The following CDC123 variants were observed in gnomAD, a reference collection of about 807,000 sequenced individuals.
CDC123 encodes cell division cycle 123, also known as translation initiation factor eIF2 assembly protein.
Under a neutral mutation model 54.4 loss-of-function variants are expected in CDC123, and 37 were observed. The observed-to-expected ratio is 0.68, with a 90% CI of 0.52 to 0.89. The LOEUF (loss-of-function observed/expected upper bound fraction) is 0.89, where lower values mean the gene tolerates loss of function less well. Ranked by LOEUF, CDC123 falls within the 40% of genes least tolerant of loss-of-function variation. The pLI, the probability that CDC123 is intolerant of heterozygous loss-of-function variation, is 0.00. For synonymous variants in CDC123, 144 were observed against 136.8 expected (o/e 1.05, Z -0.37); for missense variants, 361 against 412.1 (o/e 0.88, Z 1.07).
chr10:12,238,452 T>G lies in CDC123; in HGVS notation c.689-5T>G, dbSNP rs763790124. 6.9e-6 allele frequency: 11 copies of G among 1,604,236 alleles called. No homozygotes were observed. In the Admixed American group the frequency reaches 1.9e-4, roughly 28 times the overall value. ...TTAATAACTGACTTTTTTTCTCCTT[T>G]ACAGTTGTGTTCGATATATACAGAG... is the stretch of plus-strand genomic sequence containing the variant. On this transcript the variant is annotated splice_region_variant and splice_polypyrimidine_tract_variant and intron_variant, in intron 9 of 12. Transcript: ENST00000281141.
intron 1 of CDC123, among the ~76,000 whole-genome samples, chr10:12,197,775 G>A (rs999666889): frequency 3.3e-5 from 5 of 152,044 alleles, no homozygotes; most frequent in Admixed American, 3.3e-4. Context: ...GGAGTGCAGT[G>A]GCAGTGATCT....
intron 10 of CDC123, among the ~76,000 whole-genome samples, chr10:12,239,163 ATT>A (rs879369328): frequency 6.8e-6 from 1 of 146,192 alleles, no homozygotes. Flanking sequence ...CCCTCCTCAA[ATT>A]TTTTTTTTTT....
intron 5 of CDC123, among the ~76,000 whole-genome samples, chr10:12,216,520 G>C (rs1835667544): frequency 6.6e-6 from 1 of 151,800 alleles, no homozygotes; most frequent in Non-Finnish European, 1.5e-5. Flanking sequence ...TACATGTACA[G>C]AATTTAAAAT....
At chr10:12,201,494 GA>G (rs1835438584) in intron 2 of CDC123, among the ~76,000 whole-genome samples, 1 of 152,116 alleles carries the variant, frequency 6.6e-6, no homozygotes, top group East Asian at 1.9e-4. Flanking sequence ...GTGAAGGGAA[GA>G]ATCTTCCAGG....
Position 12,196,235 on chromosome 10 carries a change from G to GC in CDC123, c.-10dup, listed in dbSNP as rs760058625. ...AGGAGAGGGAAAGGCAGCAGCGGCG[G>GC]CAGCTGGAGGATGAAGAAGGAGCAT... On this transcript the variant is annotated 5_prime_UTR_variant, in exon 1 of 13. Coordinates refer to ENST00000281141, the MANE Select transcript of CDC123 (RefSeq NM_006023.3). 46 of 1,613,902 alleles carry GC rather than the reference G, an allele frequency of 2.9e-5. No individual in the cohort carries two copies. In the East Asian group the frequency reaches 5.8e-4, roughly 20 times the overall value.
intron 7 of CDC123, among the ~76,000 whole-genome samples, chr10:12,234,181 G>A (rs761150038): frequency 2.0e-5 from 3 of 152,082 alleles, no homozygotes; most frequent in African/African-American, 7.2e-5. Context: ...TGCAACCTCC[G>A]CTTCCTGGGT....
At chr10:12,231,302 A>G (rs1225325720) in intron 7 of CDC123, among the ~76,000 whole-genome samples, 1 of 152,074 alleles carries the variant, frequency 6.6e-6, no homozygotes, top group African/African-American at 2.4e-5. Flanking sequence ...CCATTTTTAT[A>G]TTGTTCACTC....
In CDC123 at chr10:12,230,933, C is replaced by T; in HGVS notation, c.441-15C>T. 1 of 1,611,030 alleles carries T rather than the reference C, an allele frequency of 6.2e-7. No individual in the cohort carries two copies. The highest frequency in any genetic ancestry group is 8.5e-7 in the Non-Finnish European group (1 of 1,178,824). On this transcript the variant is annotated splice_polypyrimidine_tract_variant and intron_variant, in intron 6 of 12. Coordinates refer to ENST00000281141, the MANE Select transcript of CDC123 (RefSeq NM_006023.3). ...TAACAAAAAGATTCAGTTGCCTTTT[C>T]TTCTTCTTCCAAAGGTTTATTCATT...
intron 2 of CDC123, among the ~76,000 whole-genome samples, chr10:12,208,451 G>A (rs193116644): frequency 6.6e-6 from 1 of 152,294 alleles, no homozygotes; most frequent in African/African-American, 2.4e-5. Flanking sequence ...ATGACAGTTG[G>A]AGGCAGAGAA....
chr10:12,247,486 C>T (rs1176400655), intron 11 of CDC123: 1 of 39,410 alleles, frequency 2.5e-5, no homozygotes, highest in African/African-American at 6.9e-5. Context: ...CTCACCTCCC[C>T]CTCAGGACAC....
chr10:12,244,313 A>T (rs1200272661), intron 10 of CDC123, among the ~76,000 whole-genome samples: 1 of 152,262 alleles, frequency 6.6e-6, no homozygotes, highest in South Asian at 2.1e-4. Context: ...TATTAACCAG[A>T]TGGCACAAAT....
At chr10:12,200,134 T>TTTTTTTTTTTTTTG in intron 2 of CDC123, among the ~76,000 whole-genome samples, 1 of 119,580 alleles carries the variant, frequency 8.4e-6, no homozygotes, top group Non-Finnish European at 1.7e-5. Context: ...TTTTTTTTTT[T>TTTTTTTTTTTTTTG]TTTTTTTTTA....
chr10:12,237,104 A>G, intron 8 of CDC123, 40 bp from the exon 9 acceptor site: 1 of 1,491,808 alleles, frequency 6.7e-7, no homozygotes, highest in South Asian at 1.4e-5. Context: ...TTTGAAAAGA[A>G]TATTGTATAA....
intron 9 of CDC123, 64 bp from the exon 10 acceptor site, chr10:12,238,393 C>G: frequency 1.3e-6 from 2 of 1,548,450 alleles, no homozygotes; most frequent in Non-Finnish European, 1.8e-6. Flanking sequence ...CTTTAATTTT[C>G]AAAAGGAGAT....
intron 6 of CDC123, 73 bp from the exon 7 acceptor site, chr10:12,230,875 T>C: frequency 7.3e-7 from 1 of 1,362,854 alleles, no homozygotes; most frequent in East Asian, 2.3e-5. Context: ...TCATGTTAAA[T>C]ATATGTTAAG....
intron 2 of CDC123, among the ~76,000 whole-genome samples, chr10:12,202,544 G>A (rs1003683101): frequency 6.6e-5 from 10 of 152,110 alleles, no homozygotes; most frequent in African/African-American, 2.2e-4. Flanking sequence ...ACAGGTTGAG[G>A]CTCAGTCTCA....
At chr10:12,229,823 A>G (rs1835873702) in intron 6 of CDC123, among the ~76,000 whole-genome samples, 1 of 152,238 alleles carries the variant, frequency 6.6e-6, no homozygotes, top group South Asian at 2.1e-4. Flanking sequence ...GGAGGGCTGA[A>G]TGGATCTATC....
intron 2 of CDC123, among the ~76,000 whole-genome samples, chr10:12,201,373 C>T (rs539683892): frequency 2.6e-5 from 4 of 152,186 alleles, no homozygotes; most frequent in African/African-American, 9.6e-5. Context: ...GGTCATTACC[C>T]TTAAATTGCT....
chr10:12,250,099 A>G (rs997655001), intron 12 of CDC123: 1 of 486,024 alleles, frequency 2.1e-6, no homozygotes, highest in Non-Finnish European at 3.6e-6. Context: ...GAGTTTTTGT[A>G]TGTATGGAAG....
Sources: allele counts gnomAD v4.1 joint callset (sites outside exome capture counted in the v4.1 genomes callset), GRCh38; gene constraint gnomAD v4.1.1; transcripts MANE v1.5; gene names NCBI Gene and HGNC (gene_info 2026-07-23, HGNC 2026-07-21).